COP1: variants seen among roughly 807,000 people sequenced by gnomAD.
COP1 encodes E3 ubiquitin-protein ligase COP1.
COP1 carries 24 observed loss-of-function variants against 101.3 expected under a neutral mutation model. The observed-to-expected ratio is 0.24, with a 90% confidence interval of 0.17 to 0.33. The LOEUF is 0.33. Among genes scored for constraint, COP1 ranks in the 10% least tolerant of loss-of-function variants. The pLI is 1.00. For missense variants in COP1, 663 were observed against 906.2 expected (o/e 0.73, Z 3.45); for synonymous variants, 347 against 341.9 (o/e 1.01, Z -0.17).
chr1:176,085,793 C>G lies in COP1; in HGVS notation c.1124G>C (p.Arg375Thr). 1 of 1,593,140 alleles carries G rather than the reference C, an allele frequency of 6.3e-7. No homozygotes were observed. Among genetic ancestry groups the G allele is most frequent in the Middle Eastern group, 1.7e-4 (1 of 5,722 alleles). Residue 375 changes from arginine (R) to threonine (T), a missense_variant, in exon 10 of 20, where the codon AGG (arginine) becomes ACG (threonine). Physicochemically the swap from Arg to Thr is moderately conservative, Grantham distance 71. Around this residue, in one of 4 missense-constraint regions of COP1, gnomAD observed 212 missense variants for 240.7 expected, o/e 0.88. Coordinates refer to ENST00000367669, the MANE Select transcript of COP1 (RefSeq NM_022457.7). ...EDLEQCYFST[R>T]MSRISDDSRT... is the part of the protein sequence containing the mutation. Reference sequence around the variant, plus strand: ...ATATATACCTGAGATACGAGACATCCTTGTAGAAAAGTAACACTGCTCCAA... The same window carrying G: ...ATATATACCTGAGATACGAGACATCGTTGTAGAAAAGTAACACTGCTCCAA...
intron 8 of COP1, among the ~76,000 whole-genome samples, chr1:176,121,421 C>T (rs989152726): frequency 4.6e-5 from 7 of 152,068 alleles, no homozygotes; most frequent in African/African-American, 1.7e-4. Context: ...AAAATCTATG[C>T]GACTAATCTG....
intron 18 of COP1, among the ~76,000 whole-genome samples, chr1:175,985,685 A>G (rs567726934): frequency 2.0e-5 from 3 of 152,304 alleles, no homozygotes; most frequent in African/African-American, 7.2e-5. Context: ...AAATCTGGTA[A>G]TTCTTTCCTG....
At chr1:176,204,945 C>G (rs967088309) in intron 1 of COP1, among the ~76,000 whole-genome samples, 1 of 152,072 alleles carries the variant, frequency 6.6e-6, no homozygotes, top group Non-Finnish European at 1.5e-5. Context: ...AATTTTTACT[C>G]TTTTAAAAAA....
At chr1:175,984,911 T>C (rs1409809864) in intron 18 of COP1, among the ~76,000 whole-genome samples, 1 of 152,220 alleles carries the variant, frequency 6.6e-6, no homozygotes, top group African/African-American at 2.4e-5. Flanking sequence ...CCAATGCCTA[T>C]ATTCTCTTCA....
chr1:176,096,780 C>T (rs1340402120), intron 9 of COP1, among the ~76,000 whole-genome samples: 6 of 152,126 alleles, frequency 3.9e-5, no homozygotes, highest in African/African-American at 1.4e-4. Flanking sequence ...TGGTCTTAAG[C>T]TGTAGCCAAT....
chr1:176,046,401 G>A, intron 11 of COP1, 77 bp from the exon 12 acceptor site: 1 of 1,365,892 alleles, frequency 7.3e-7, no homozygotes, highest in African/African-American at 1.5e-5. Flanking sequence ...GGTCTACAAG[G>A]ATAAAAGATC....
chr1:176,024,631 T>G (rs1667363691), intron 15 of COP1, among the ~76,000 whole-genome samples: 1 of 152,156 alleles, frequency 6.6e-6, no homozygotes, highest in Non-Finnish European at 1.5e-5. Flanking sequence ...TTCTAGCTAA[T>G]ACAATAAAGC....
chr1:176,165,389 T>G (rs971897525), intron 3 of COP1, among the ~76,000 whole-genome samples: 4 of 148,198 alleles, frequency 2.7e-5, no homozygotes, highest in African/African-American at 7.7e-5. Context: ...TGTGTGTGTG[T>G]GTGTGTGTGT....
intron 6 of COP1, among the ~76,000 whole-genome samples, chr1:176,147,267 C>T (rs1004949589): frequency 6.6e-6 from 1 of 152,126 alleles, no homozygotes; most frequent in Non-Finnish European, 1.5e-5. Context: ...AATCTGTCTG[C>T]ACTAAAACAT....
At position 176,105,621 on chromosome 1, in the gene COP1, T is replaced by C. The variant is rs147712551; in HGVS notation, c.1026+11003A>G. ...ATGCCAGAATGAACCCTAAACATGG[T>C]AGAATAGCATGGATTGACCTCAGCT... On this transcript the variant is annotated intron_variant, in intron 9 of 19. Transcript: ENST00000367669. Among the ~76,000 whole-genome samples, 9 of 152,218 alleles carry C rather than the reference T, an allele frequency of 5.9e-5. 1 individual carries two copies. The highest frequency in any genetic ancestry group is 3.9e-4 in the Admixed American group (6 of 15,284).
At chr1:176,090,825 G>C (rs758766972) in intron 9 of COP1, among the ~76,000 whole-genome samples, 2 of 152,138 alleles carry the variant, frequency 1.3e-5, no homozygotes, top group Non-Finnish European at 2.9e-5. Flanking sequence ...AACTAAAGAA[G>C]AAATATTGGA....
chr1:176,186,630 T>C (rs1698479294), intron 1 of COP1, among the ~76,000 whole-genome samples: 1 of 152,144 alleles, frequency 6.6e-6, no homozygotes, highest in South Asian at 2.1e-4. Flanking sequence ...GGTAATTCAC[T>C]GGTGGATTTG....
At chr1:175,989,060 T>TA (rs1557856306) in intron 16 of COP1, 2 of 220,066 alleles carry the variant, frequency 9.1e-6, no homozygotes, top group African/African-American at 4.5e-5. Context: ...TTAGAAGCAA[T>TA]AGCTAAAATC....
intron 15 of COP1, among the ~76,000 whole-genome samples, chr1:175,995,871 G>C (rs980435713): frequency 2.0e-5 from 3 of 152,120 alleles, no homozygotes; most frequent in Non-Finnish European, 4.4e-5. Flanking sequence ...AACAGAAAAA[G>C]AGAGAATCCT....
chr1:176,161,384 T>C (rs578041837), intron 5 of COP1, among the ~76,000 whole-genome samples: 81 of 150,960 alleles, frequency 5.4e-4, no homozygotes, highest in Middle Eastern at 3.4e-3. Context: ...AAGCCAAGAG[T>C]TTGAGACTAC....
chr1:176,059,490 C>CTT (rs984914923), intron 11 of COP1, among the ~76,000 whole-genome samples: 1 of 147,404 alleles, frequency 6.8e-6, no homozygotes, highest in South Asian at 2.2e-4. Context: ...TTTTTTCTTT[C>CTT]TTTTTTTTTT....
chr1:176,123,322 AATG>A (rs1408242261), intron 8 of COP1, among the ~76,000 whole-genome samples: 1 of 152,208 alleles, frequency 6.6e-6, no homozygotes, highest in African/African-American at 2.4e-5. Flanking sequence ...AGAAATGGTA[AATG>A]ATAACAGCAC....
chr1:176,154,183 A>AT, intron 5 of COP1, among the ~76,000 whole-genome samples: 1 of 152,244 alleles, frequency 6.6e-6, no homozygotes, highest in East Asian at 1.9e-4. Flanking sequence ...TTTTCTTTGT[A>AT]TATCTGGCAG....
At chr1:176,072,775 T>C (rs566540535) in intron 11 of COP1, among the ~76,000 whole-genome samples, 124 of 151,022 alleles carry the variant, frequency 8.2e-4, no homozygotes, top group Non-Finnish European at 1.3e-3. Context: ...GTAACTATCA[T>C]AGAAACATAA....
Sources: gnomAD v4.1 joint callset for allele counts (sites outside exome capture counted in the v4.1 genomes callset) on GRCh38, gnomAD v4.1.1 for gene constraint, gnomAD v4.1.1 regional missense constraint, MANE v1.5 for transcripts, NCBI Gene and HGNC (gene_info 2026-07-23, HGNC 2026-07-21) for gene names.